The following POU2F1 variants were observed in gnomAD, a reference collection of about 807,000 sequenced individuals.
The protein encoded by POU2F1 is POU class 2 homeobox 1, also known as POU domain, class 2, transcription factor 1.
A neutral mutation model predicts 84.9 loss-of-function variants in POU2F1; 16 were observed. The observed-to-expected ratio is 0.19, with a 90% CI of 0.13 to 0.29. The LOEUF is 0.29. POU2F1 is among the 10% of genes least tolerant of loss of function. The pLI is 1.00. For synonymous variants in POU2F1, 368 were observed against 368.3 expected, an observed-to-expected ratio of 1.00 and a Z score of 0.01; for missense variants, 738 against 942.6, an observed-to-expected ratio of 0.78 and a Z score of 2.84.
At chr1:167,376,201 G>A (rs776650807) in intron 7 of POU2F1, 46 bp downstream of exon 7, 5 of 1,587,606 alleles carry the variant, frequency 3.1e-6, no homozygotes, top group Admixed American at 3.5e-5. Flanking sequence ...AAGGCTGTTC[G>A]CTGAATGTTA....
chr1:167,304,448 G>A (rs543410031), intron 1 of POU2F1, among the ~76,000 whole-genome samples: 5 of 152,210 alleles, frequency 3.3e-5, no homozygotes, highest in East Asian at 1.9e-4. Context: ...TTCAAAGCAC[G>A]TTACTAAACT....
At chr1:167,293,078 TC>T (rs1441186244) in intron 1 of POU2F1, among the ~76,000 whole-genome samples, 2 of 152,068 alleles carry the variant, frequency 1.3e-5, no homozygotes, top group African/African-American at 4.8e-5. Flanking sequence ...TTGAAAACAT[TC>T]CCCCTGAGAA....
chr1:167,283,442 A>G (rs961057687), intron 1 of POU2F1, among the ~76,000 whole-genome samples: 22 of 152,364 alleles, frequency 1.4e-4, no homozygotes, highest in Admixed American at 1.4e-3. Flanking sequence ...GATGTTACAC[A>G]TAACATGATT....
At chr1:167,289,191 A>C (rs1315061483) in intron 1 of POU2F1, among the ~76,000 whole-genome samples, 1 of 152,140 alleles carries the variant, frequency 6.6e-6, no homozygotes, top group Non-Finnish European at 1.5e-5. Flanking sequence ...AGTTTCTTTG[A>C]AGTTTTATTG....
At chr1:167,405,964 T>A (rs559629567) in intron 13 of POU2F1, among the ~76,000 whole-genome samples, 1 of 152,306 alleles carries the variant, frequency 6.6e-6, no homozygotes, top group South Asian at 2.1e-4. Context: ...CCCCATGTAT[T>A]TGAAAATTAA....
At position 167,415,480 on chromosome 1, in the gene POU2F1, TG is replaced by T. The variant is rs755141753; in HGVS notation, c.1991-14del. The T allele has an allele frequency of 2.4e-5, 38 of 1,609,612 alleles. No individual in the cohort carries two copies. Among genetic ancestry groups the T allele is most frequent in the Non-Finnish European group, 3.1e-5 (36 of 1,177,196 alleles). On this transcript the variant is annotated intron_variant, in intron 15 of 15. Coordinates refer to ENST00000367866, the MANE Select transcript of POU2F1 (RefSeq NM_002697.4). Reference sequence around the variant, plus strand: ...TTAATGTTTTCATTCCTGCCTGTTTTGGGGGGTTTTTGTCTGTAGCTCTTGC... The same window carrying T: ...TTAATGTTTTCATTCCTGCCTGTTTTGGGGGTTTTTGTCTGTAGCTCTTGC...
At chr1:167,352,893 C>T (rs1449417228) in intron 2 of POU2F1, among the ~76,000 whole-genome samples, 1 of 152,112 alleles carries the variant, frequency 6.6e-6, no homozygotes, top group Non-Finnish European at 1.5e-5. Context: ...TAGATTATTG[C>T]TTTTGGGTTA....
At chr1:167,410,523 TATTATTA>T in intron 13 of POU2F1, among the ~76,000 whole-genome samples, 1 of 151,816 alleles carries the variant, frequency 6.6e-6, no homozygotes, top group African/African-American at 2.4e-5. Flanking sequence ...TTATTATTAT[TATTATTA>T]TTTTTAACGG....
intron 2 of POU2F1, among the ~76,000 whole-genome samples, chr1:167,333,842 A>C (rs1657239529): frequency 6.6e-6 from 1 of 152,040 alleles, no homozygotes; most frequent in South Asian, 2.1e-4. Context: ...CTTGTTCAGC[A>C]CTGGTTCCTA....
chr1:167,277,578 C>T (rs965356181), intron 1 of POU2F1, among the ~76,000 whole-genome samples: 1 of 151,830 alleles, frequency 6.6e-6, no homozygotes, highest in African/African-American at 2.4e-5. Context: ...TCCAAAGCCT[C>T]GGATTACAGG....
In POU2F1 at chr1:167,424,653, G is replaced by A. The variant is rs886124474; in HGVS notation, c.*8843G>A. The A allele has an allele frequency of 1.3e-4, 20 of 152,202 alleles. No individual in the cohort carries two copies. The highest frequency in any genetic ancestry group is 2.5e-4 in the Non-Finnish European group (17 of 68,058). The allele number at this position is 152,202 out of a possible 1,614,324, so 9.4% of individuals were successfully genotyped here. A position where few individuals can be genotyped will look rare whatever the true frequency, so the allele number is the denominator to read the frequency against. On this transcript the variant is annotated 3_prime_UTR_variant, in exon 16 of 16. Coordinates refer to ENST00000367866, the MANE Select transcript of POU2F1 (RefSeq NM_002697.4). Reference sequence around the variant, plus strand: ...ATCATGGGACCTGTAGCCTAGGGTGGGACCCCCTAAAGCCTCTGAATGTCG... The same window carrying A: ...ATCATGGGACCTGTAGCCTAGGGTGAGACCCCCTAAAGCCTCTGAATGTCG...
At chr1:167,336,616 A>C (rs1657465864) in intron 2 of POU2F1, among the ~76,000 whole-genome samples, 1 of 152,218 alleles carries the variant, frequency 6.6e-6, no homozygotes. Context: ...CAAGATAAAT[A>C]AATTAAGTGT....
rs1431732792 is a variant in POU2F1 at position 167,427,186 on chromosome 1, A to C, written c.*11376A>C. The C allele has an allele frequency of 1.3e-5, 2 of 152,178 alleles. No homozygotes were observed. The highest frequency in any genetic ancestry group is 2.9e-5 in the Non-Finnish European group (2 of 68,040). 9.4% of individuals were successfully genotyped at this position (152,178 alleles called of 1,614,324 possible). On this transcript the variant is annotated 3_prime_UTR_variant, in exon 16 of 16. Transcript: ENST00000367866. ...CCTGCAGGGGCTGTAGGCTTGGGAA[A>C]GATTGTGTAGGTGACAGTGAATCAG...
At chr1:167,347,793 C>T (rs928184651) in intron 2 of POU2F1, among the ~76,000 whole-genome samples, 15 of 152,036 alleles carry the variant, frequency 9.9e-5, no homozygotes, top group Non-Finnish European at 1.9e-4. Flanking sequence ...GGTATGTGAC[C>T]TTTTGTGTAT....
chr1:167,329,399 G>T, intron 1 of POU2F1: 1 of 1,399,402 alleles, frequency 7.1e-7, no homozygotes. Context: ...CGCATATGCA[G>T]CCTGTGGCGG....
chr1:167,285,179 G>C (rs578246073), intron 1 of POU2F1, among the ~76,000 whole-genome samples: 1 of 152,274 alleles, frequency 6.6e-6, no homozygotes, highest in Admixed American at 6.5e-5. Flanking sequence ...AATAATGACT[G>C]CTTTATAGAG....
intron 13 of POU2F1, among the ~76,000 whole-genome samples, chr1:167,404,940 T>G (rs1186891872): frequency 5.3e-5 from 8 of 152,226 alleles, no homozygotes; most frequent in Non-Finnish European, 8.8e-5. Context: ...GGAATAGGAT[T>G]TTAGAAATGA....
intron 2 of POU2F1, among the ~76,000 whole-genome samples, chr1:167,349,879 G>A (rs12132244): frequency 0.15 from 23,427 of 152,094 alleles, 2,047 homozygotes; most frequent in Non-Finnish European, 0.2. Flanking sequence ...GTATATGGGC[G>A]TAATAATTTT....
At chr1:167,348,264 G>A (rs1356580324) in intron 2 of POU2F1, among the ~76,000 whole-genome samples, 1 of 152,064 alleles carries the variant, frequency 6.6e-6, no homozygotes, top group Non-Finnish European at 1.5e-5. Flanking sequence ...ACATAGAAAA[G>A]GTACAGTAAA....
Sources: allele counts gnomAD v4.1 joint callset (sites outside exome capture counted in the v4.1 genomes callset), GRCh38; gene constraint gnomAD v4.1.1; transcripts MANE v1.5; gene names NCBI Gene and HGNC (gene_info 2026-07-23, HGNC 2026-07-21).